The following CDH23 variants were observed in gnomAD, a reference collection of about 807,000 sequenced individuals.
CDH23 encodes the protein cadherin related 23.
CDH23 carries 189 observed loss-of-function variants against 317.1 expected under a neutral mutation model. The observed-to-expected ratio is 0.60, with a 90% CI of 0.53 to 0.67. The LOEUF is 0.67. CDH23 is among the 30% of genes least tolerant of loss of function. The pLI is 0.00. For synonymous variants in CDH23, 1,839 were observed against 1,876.8 expected, an observed-to-expected ratio of 0.98 and a Z score of 0.52; for missense variants, 4,401 against 4,592.4, an observed-to-expected ratio of 0.96 and a Z score of 1.20.
chr10:71,727,364 AT>A (rs1866862071), intron 30 of CDH23, among the ~76,000 whole-genome samples: 1 of 152,202 alleles, frequency 6.6e-6, no homozygotes, highest in Admixed American at 6.5e-5. Context: ...CCACAGGGTA[AT>A]TTTAAGGTGA....
intron 9 of CDH23, among the ~76,000 whole-genome samples, chr10:71,583,602 T>G (rs920125316): frequency 2.6e-5 from 4 of 152,106 alleles, no homozygotes; most frequent in African/African-American, 9.7e-5. Flanking sequence ...GTGCTGTGGG[T>G]GAGGGCAGAG....
intron 11 of CDH23, among the ~76,000 whole-genome samples, chr10:71,627,673 A>G (rs985664401): frequency 3.3e-5 from 5 of 152,066 alleles, no homozygotes; most frequent in East Asian, 1.9e-4. Flanking sequence ...AGTCCCGTCT[A>G]ACAGCTGGAG....
chr10:71,404,393 A>T (rs117005619), intron 1 of CDH23, among the ~76,000 whole-genome samples: 1 of 152,252 alleles, frequency 6.6e-6, no homozygotes, highest in Non-Finnish European at 1.5e-5. Flanking sequence ...AGTTCTCCAC[A>T]GTCCCGACCA....
In CDH23 at chr10:71,719,956, T is replaced by C. The variant is rs1866473305; in HGVS notation, c.3370-4089T>C. ...CTTCCCACCGCCTCTCTCCAGCCTGTCTCCTTGGAGCCCTCTCAGGGGTGG... is the reference window on the plus strand; with the variant it reads ...CTTCCCACCGCCTCTCTCCAGCCTGCCTCCTTGGAGCCCTCTCAGGGGTGG... On this transcript the variant is annotated intron_variant, in intron 28 of 69. Transcript: ENST00000224721. 2.0e-5 allele frequency: 3 copies of C among 152,790 alleles called. No homozygotes were observed. In the South Asian group the frequency reaches 6.2e-4, roughly 32 times the overall value. 9.5% of individuals were successfully genotyped at this position (152,790 alleles called of 1,614,324 possible).
chr10:71,494,974 G>C (rs1349425387), intron 3 of CDH23, among the ~76,000 whole-genome samples: 2 of 152,168 alleles, frequency 1.3e-5, no homozygotes, highest in South Asian at 2.1e-4. Flanking sequence ...AATGAGCCCA[G>C]TGAAAAGCCT....
At chr10:71,663,249 G>T (rs761628106) in intron 14 of CDH23, among the ~76,000 whole-genome samples, 1 of 152,188 alleles carries the variant, frequency 6.6e-6, no homozygotes, top group Non-Finnish European at 1.5e-5. Context: ...TGATAAGGAC[G>T]TGAAGGGCTA....
rs532410652 is a variant in CDH23, at chr10:71,420,622, G to T, written c.-5-19205G>T. ...GGTGATGCTGCTGCTACTAATAATA[G>T]CACTTATTGGGAACTTAATATAGGT... On this transcript the variant is annotated intron_variant, in intron 1 of 69. Coordinates refer to ENST00000224721, the MANE Select transcript of CDH23 (RefSeq NM_022124.6). 3.3e-5 allele frequency among the ~76,000 whole-genome samples: 5 copies of T among 149,914 alleles called. No individual in the cohort carries two copies. In the East Asian group the frequency reaches 9.9e-4, roughly 30 times the overall value.
intron 38 of CDH23, chr10:71,750,975 T>C (rs1012172780): frequency 4.7e-6 from 2 of 429,846 alleles, no homozygotes; most frequent in Admixed American, 8.1e-5. Flanking sequence ...CTTCTTAAGA[T>C]GTAAGTCATT....
chr10:71,679,392 A>G lies in CDH23; in HGVS notation c.1758A>G (p.Thr586=), dbSNP rs371419130. 6.8e-6 allele frequency: 11 copies of G among 1,612,408 alleles called. No individual in the cohort carries two copies. Among genetic ancestry groups the G allele is most frequent in the African/African-American group, 5.3e-5 (4 of 74,844 alleles). Residue 586 remains threonine, a synonymous_variant, in exon 17 of 70, where the codon ACA becomes ACG. Coordinates refer to ENST00000224721, the MANE Select transcript of CDH23 (RefSeq NM_022124.6). ...GTCTGCCCTCTTCCTTTCAGGCAAC[A>G]GATGAAGACTCCCCTCCCAACAACC... ...SVTQLVRLRA[T]DEDSPPNNQI...
intron 66 of CDH23, 36 bp downstream of exon 66, chr10:71,812,051 G>A: frequency 1.2e-6 from 2 of 1,613,936 alleles, no homozygotes; most frequent in Non-Finnish European, 1.7e-6. Context: ...GTCCCCTGCG[G>A]GGAGTCCTGC....
At chr10:71,584,392 T>C (rs146971849) in intron 9 of CDH23, among the ~76,000 whole-genome samples, 16 of 152,300 alleles carry the variant, frequency 1.1e-4, no homozygotes, top group African/African-American at 3.4e-4. Context: ...CACTTCCAGG[T>C]CACACTGGGG....
chr10:71,621,972 C>T (rs2132531264), intron 11 of CDH23, among the ~76,000 whole-genome samples: 1 of 152,160 alleles, frequency 6.6e-6, no homozygotes, highest in East Asian at 1.9e-4. Flanking sequence ...CCATTTGTAC[C>T]TTGTGACAGT....
At chr10:71,574,811 C>T (rs1858065595) in intron 8 of CDH23, among the ~76,000 whole-genome samples, 1 of 152,192 alleles carries the variant, frequency 6.6e-6, no homozygotes, top group Admixed American at 6.5e-5. Flanking sequence ...GGGGCTGTGT[C>T]TCACACCTCA....
intron 6 of CDH23, among the ~76,000 whole-genome samples, chr10:71,534,793 T>G (rs186869855): frequency 2.0e-5 from 3 of 152,180 alleles, no homozygotes; most frequent in Non-Finnish European, 2.9e-5. Flanking sequence ...GTTTGGACAT[T>G]GGCACAGCCC....
chr10:71,489,594 GGTGTGTGTGTGT>G (rs34392048), intron 3 of CDH23, among the ~76,000 whole-genome samples: 31 of 139,884 alleles, frequency 2.2e-4, no homozygotes, highest in Admixed American at 1.0e-3. Context: ...AGTGCCTCGG[GGTGTGTGTGTGT>G]GTGTGTGTGT....
chr10:71,791,910 C>A (rs938479591), intron 47 of CDH23, among the ~76,000 whole-genome samples: 9 of 151,804 alleles, frequency 5.9e-5, no homozygotes, highest in African/African-American at 2.2e-4. Flanking sequence ...TTTGAATTCC[C>A]AGATGGAAAG....
intron 6 of CDH23, among the ~76,000 whole-genome samples, chr10:71,550,581 A>T (rs1220522627): frequency 6.7e-6 from 1 of 149,990 alleles, no homozygotes; most frequent in African/African-American, 2.5e-5. Context: ...AAAAAAAGAA[A>T]AAAGAAAAAG....
intron 6 of CDH23, among the ~76,000 whole-genome samples, chr10:71,557,293 G>A (rs1036385207): frequency 1.1e-4 from 17 of 152,232 alleles, no homozygotes; most frequent in African/African-American, 3.9e-4. Context: ...GATGTAGGGA[G>A]CCTCTCAGCA....
At chr10:71,668,698 G>C (rs990793040) in intron 14 of CDH23, among the ~76,000 whole-genome samples, 1 of 152,168 alleles carries the variant, frequency 6.6e-6, no homozygotes, top group Non-Finnish European at 1.5e-5. Flanking sequence ...AAATGTCAGA[G>C]GGGCACCCTC....
Sources: gnomAD v4.1 joint callset for allele counts (sites outside exome capture counted in the v4.1 genomes callset) on GRCh38, gnomAD v4.1.1 for gene constraint, MANE v1.5 for transcripts, NCBI Gene and HGNC (gene_info 2026-07-23, HGNC 2026-07-21) for gene names.